The following AFG2A variants were observed in gnomAD, a reference collection of about 807,000 sequenced individuals.
AFG2A encodes ATPase family gene 2 protein homolog A.
chr4:123,152,490 A>T, the AFG2A span, among the ~76,000 whole-genome samples: 1 of 152,252 alleles, frequency 6.6e-6, no homozygotes, highest in Non-Finnish European at 1.5e-5. Context: ...AGATATCCAC[A>T]TATCAAATAA....
the AFG2A span, among the ~76,000 whole-genome samples, chr4:123,302,799 A>G: frequency 6.6e-6 from 1 of 152,198 alleles, no homozygotes; most frequent in Non-Finnish European, 1.5e-5. Flanking sequence ...TGATCCTAAA[A>G]CAAGCAGGCA....
the AFG2A span, among the ~76,000 whole-genome samples, chr4:122,987,930 G>A: frequency 9.2e-5 from 14 of 152,008 alleles, no homozygotes; most frequent in African/African-American, 2.9e-4. Flanking sequence ...TTTCATATTA[G>A]TTAGCATCCT....
the AFG2A span, chr4:122,923,346 C>G: frequency 6.2e-7 from 1 of 1,610,688 alleles, no homozygotes; most frequent in Non-Finnish European, 8.5e-7. Flanking sequence ...CGAGGGGGCG[C>G]AACCTGAGGG....
chr4:123,122,773 G>GTTTT, the AFG2A span, among the ~76,000 whole-genome samples: 4 of 140,074 alleles, frequency 2.9e-5, no homozygotes, highest in Admixed American at 7.0e-5. Context: ...CATGTCATCT[G>GTTTT]TTTTTTTGTT....
At chr4:123,066,398 A>G in the AFG2A span, among the ~76,000 whole-genome samples, 1 of 151,322 alleles carries the variant, frequency 6.6e-6, no homozygotes, top group South Asian at 2.1e-4. Flanking sequence ...ATAAAATCAT[A>G]GAACTTTATA....
chr4:123,057,262 G>A, the AFG2A span: 2 of 1,613,796 alleles, frequency 1.2e-6, no homozygotes, highest in Non-Finnish European at 1.7e-6. Context: ...TTGATGAACT[G>A]GATGCCTTAG....
chr4:123,087,291 A>G, the AFG2A span, among the ~76,000 whole-genome samples: 7 of 152,216 alleles, frequency 4.6e-5, no homozygotes, highest in Non-Finnish European at 8.8e-5. Flanking sequence ...TGTGAACTTC[A>G]CAATTTTCTC....
the AFG2A span, among the ~76,000 whole-genome samples, chr4:123,193,720 G>A: frequency 1.3e-5 from 2 of 152,158 alleles, no homozygotes; most frequent in Non-Finnish European, 2.9e-5. Flanking sequence ...TAATCAGAAT[G>A]TGAAAAAGAA....
At chr4:123,022,484 G>A in the AFG2A span, among the ~76,000 whole-genome samples, 1 of 150,760 alleles carries the variant, frequency 6.6e-6, no homozygotes. Context: ...ACCACAATGA[G>A]ATACCATCTC....
At chr4:123,014,124 A>C in the AFG2A span, among the ~76,000 whole-genome samples, 2 of 151,966 alleles carry the variant, frequency 1.3e-5, no homozygotes, top group Non-Finnish European at 2.9e-5. Flanking sequence ...CTCTGTTTTT[A>C]GTTTCCTTGT....
chr4:123,235,466 C>T, the AFG2A span, among the ~76,000 whole-genome samples: 724 of 152,272 alleles, frequency 4.8e-3, 10 homozygotes, highest in African/African-American at 0.017. Context: ...CCATCAGTCT[C>T]AGTTGTCTGC....
At chr4:123,217,931 T>G in the AFG2A span, among the ~76,000 whole-genome samples, 1 of 152,210 alleles carries the variant, frequency 6.6e-6, no homozygotes, top group Non-Finnish European at 1.5e-5. Context: ...TCCCTGGGAC[T>G]CAGGATTACA....
chr4:123,103,793 A>G, the AFG2A span, among the ~76,000 whole-genome samples: 111,617 of 151,614 alleles, frequency 0.74, 41,629 homozygotes, highest in East Asian at 0.97. Flanking sequence ...ATGTCCATAC[A>G]GTGAAATACT....
the AFG2A span, chr4:123,317,112 T>G: frequency 0.016 from 2,441 of 151,530 alleles, 35 homozygotes; most frequent in Non-Finnish European, 0.026. Context: ...GTAGTCCCAG[T>G]TACTCGGGAG....
the AFG2A span, among the ~76,000 whole-genome samples, chr4:123,160,890 ATAAT>A: frequency 6.6e-6 from 1 of 152,198 alleles, no homozygotes. Context: ...ATTAACAGCA[ATAAT>A]TAATAATAAA....
At chr4:123,237,103 G>A in the AFG2A span, among the ~76,000 whole-genome samples, 1 of 152,184 alleles carries the variant, frequency 6.6e-6, no homozygotes, top group Non-Finnish European at 1.5e-5. Context: ...AGGCCAGATG[G>A]TAAATATTTT....
the AFG2A span, among the ~76,000 whole-genome samples, chr4:123,080,621 A>G: frequency 5.1e-4 from 77 of 151,826 alleles, 1 homozygote; most frequent in Non-Finnish European, 6.0e-4. Flanking sequence ...TCCAGGTACC[A>G]TCTTTATGAC....
chr4:123,313,551 A>C, the AFG2A span, among the ~76,000 whole-genome samples: 1 of 152,178 alleles, frequency 6.6e-6, no homozygotes, highest in Admixed American at 6.5e-5. Flanking sequence ...ATCCTTTGCC[A>C]TCCCTTGTTA....
At chr4:122,956,899 G>T in the AFG2A span, among the ~76,000 whole-genome samples, 18 of 152,266 alleles carry the variant, frequency 1.2e-4, no homozygotes, top group African/African-American at 3.6e-4. Flanking sequence ...TTTTGCAAGA[G>T]AATTTTCTAA....
Sources: allele counts gnomAD v4.1 joint callset (sites outside exome capture counted in the v4.1 genomes callset), GRCh38; gene constraint gnomAD v4.1.1; transcripts MANE v1.5; gene names NCBI Gene and HGNC (gene_info 2026-07-23, HGNC 2026-07-21).